TTC39A: variants seen among roughly 807,000 people sequenced by gnomAD.
The protein encoded by TTC39A is tetratricopeptide repeat protein 39A.
In TTC39A, 46 loss-of-function variants were observed where a neutral mutation model predicts 82.3. That is an observed-to-expected ratio of 0.56 (90% confidence interval 0.44 to 0.71). The LOEUF is 0.71. Ranked by LOEUF, TTC39A falls within the 30% of genes least tolerant of loss-of-function variation. TTC39A has a pLI of 0.00. For synonymous variants in TTC39A, 254 were observed against 275.2 expected (o/e 0.92, Z 0.76); for missense variants, 543 against 712.9 (o/e 0.76, Z 2.71).
At chr1:51,303,060 C>T in intron 9 of TTC39A, 24 bp downstream of exon 9, 1 of 1,560,644 alleles carries the variant, frequency 6.4e-7, no homozygotes, top group Non-Finnish European at 8.7e-7. Flanking sequence ...AACCCCAGGG[C>T]CCCAGGTCCC....
In TTC39A at chr1:51,288,054, G is replaced by A. The variant is rs1453828332; in HGVS notation, c.*103C>T. The A allele has an allele frequency of 2.7e-6, 4 of 1,500,982 alleles. No homozygotes were observed. The highest frequency in any genetic ancestry group is 3.6e-6 in the Non-Finnish European group (4 of 1,116,322). The allele number at this position is 1,500,982 out of a possible 1,614,324, so 93.0% of individuals were successfully genotyped here. The stretch of plus-strand genomic sequence containing the variant: ...GTGCCATCCAACTGGAGTGCCGGTG[G>A]ACCCCAAAGGCAGGGCAGGGCAGGG... On this transcript the variant is annotated 3_prime_UTR_variant, in exon 18 of 18. Transcript: ENST00000680483. The surrounding 1 kb of genome is among the most constrained non-coding windows in gnomAD (Gnocchi z 4.8).
chr1:51,322,134 G>A (rs1376260509), intron 1 of TTC39A: 2 of 1,552,304 alleles, frequency 1.3e-6, no homozygotes, highest in African/African-American at 1.4e-5. Flanking sequence ...CAAGGGTAAA[G>A]GGAGTCTTTG....
At chr1:51,304,554 C>T (rs1376156913) in intron 8 of TTC39A, among the ~76,000 whole-genome samples, 2 of 152,206 alleles carry the variant, frequency 1.3e-5, no homozygotes, top group Non-Finnish European at 2.9e-5. Context: ...CACCAGAAAG[C>T]CCTCCCTGAT....
At chr1:51,308,791 A>G (rs1218919269) in intron 6 of TTC39A, among the ~76,000 whole-genome samples, 1 of 151,438 alleles carries the variant, frequency 6.6e-6, no homozygotes, top group Admixed American at 6.6e-5. Flanking sequence ...GTGTGTGTGT[A>G]TGTGTGTGTG....
chr1:51,322,288 C>G, intron 1 of TTC39A: 1 of 1,433,192 alleles, frequency 7.0e-7, no homozygotes, highest in South Asian at 1.6e-5. Flanking sequence ...GACGTTGTCA[C>G]AATGGGCTGT....
intron 2 of TTC39A, among the ~76,000 whole-genome samples, chr1:51,318,250 C>G (rs756799016): frequency 2.6e-5 from 4 of 152,140 alleles, no homozygotes; most frequent in Admixed American, 6.5e-5. Context: ...TGGCTATGGT[C>G]TGGGGTCCAG....
chr1:51,309,457 C>T (rs757891552), intron 5 of TTC39A, 132 bp from the exon 6 acceptor site: 2 of 1,519,348 alleles, frequency 1.3e-6, no homozygotes, highest in South Asian at 2.6e-5. Flanking sequence ...GGAGGTCAGC[C>T]AAACCAGGCC....
intron 12 of TTC39A, chr1:51,301,080 C>T (rs1210125345): frequency 1.3e-5 from 2 of 152,598 alleles, no homozygotes; most frequent in Non-Finnish European, 2.9e-5. Flanking sequence ...TACCTGAAGT[C>T]GGATGTGCCA....
Position 51,303,068 on chromosome 1 carries a change from C to A in TTC39A, c.763+16G>T. On this transcript the variant is annotated intron_variant, in intron 9 of 17. Transcript: ENST00000680483. ...ACGACCAAACCCCAGGGCCCCAGGT[C>A]CCCCTGTACACCTACCGAGCACGAA... 2 of 1,571,962 alleles carry A rather than the reference C, an allele frequency of 1.3e-6. No individual in the cohort carries two copies. The highest frequency in any genetic ancestry group is 1.7e-6 in the Non-Finnish European group (2 of 1,158,770).
In TTC39A at chr1:51,296,126, C is replaced by A; in HGVS notation, c.1098G>T (p.Gly366=). ...CCCCGAACGGCTTGTGGTCCTCCTT[C>A]CCAAACATGCTGAGGTAGGCGGCCT... The part of the protein sequence containing the change: ...YMKAAYLSMF[G]KEDHKPFGDD... Residue 366 remains glycine, a synonymous_variant, in exon 13 of 18, where the codon GGG becomes GGT. Coordinates refer to ENST00000680483, the MANE Select transcript of TTC39A (RefSeq NM_001297663.2). 1 of 1,600,806 alleles carries A rather than the reference C, an allele frequency of 6.2e-7. No homozygotes were observed. Among genetic ancestry groups the A allele is most frequent in the Non-Finnish European group, 8.5e-7 (1 of 1,173,802 alleles).
intron 13 of TTC39A, 21 bp downstream of exon 13, chr1:51,296,058 G>A: frequency 6.4e-7 from 1 of 1,560,884 alleles, no homozygotes; most frequent in Non-Finnish European, 8.7e-7. Context: ...CTACACAGTG[G>A]GAGCACGATG....
At position 51,294,366 on chromosome 1, in the gene TTC39A, G is replaced by A. The variant is rs1023627312; in HGVS notation, c.1266+25C>T. ...CCCACAATCCTATACCCGGAGGGCA[G>A]CGCCAGTCCAGACCTCCTACCCACC... On this transcript the variant is annotated intron_variant, in intron 14 of 17. Transcript: ENST00000680483. This position sits in a 1 kb window ranked among gnomAD's most constrained non-coding sequence, Gnocchi z 4.3. The A allele has an allele frequency of 1.2e-6, 2 of 1,613,684 alleles. No individual in the cohort carries two copies. Among genetic ancestry groups the A allele is most frequent in the Admixed American group, 3.3e-5 (2 of 59,994 alleles).
At chr1:51,301,929 T>C in intron 11 of TTC39A, 196 bp from the exon 12 acceptor site, 2 of 721,562 alleles carry the variant, frequency 2.8e-6, no homozygotes, top group Non-Finnish European at 2.3e-6. Flanking sequence ...AAGTCTTACA[T>C]GACGTTGGGC....
chr1:51,331,191 C>T (rs1319451509), upstream of TTC39A: 1 of 1,549,788 alleles, frequency 6.5e-7, no homozygotes, highest in African/African-American at 1.4e-5. Context: ...TCCATCCCTC[C>T]TGAATCCAAA....
chr1:51,312,050 G>A (rs991951073), intron 4 of TTC39A, 69 bp downstream of exon 4: 3 of 1,505,674 alleles, frequency 2.0e-6, no homozygotes, highest in South Asian at 2.5e-5. Context: ...GAAGAAAACT[G>A]CCCCTTCCTG....
At position 51,290,179 on chromosome 1, in the gene TTC39A, T is replaced by C. The variant is rs905855066; in HGVS notation, c.1379-60A>G. On this transcript the variant is annotated intron_variant, in intron 15 of 17. Coordinates refer to ENST00000680483, the MANE Select transcript of TTC39A (RefSeq NM_001297663.2). ...TGTTCATTTCTGCAGCAGTTACTTA[T>C]GGAGCCCCCTACTTTGTGCTAGGTC... 13 of 1,493,312 alleles carry C rather than the reference T, an allele frequency of 8.7e-6. No homozygotes were observed. In the Admixed American group the frequency reaches 1.3e-4, roughly 15 times the overall value. 92.5% of individuals were successfully genotyped at this position (1,493,312 alleles called of 1,614,324 possible).
At position 51,312,135 on chromosome 1, in the gene TTC39A, C is replaced by G; in HGVS notation, c.339G>C (p.Leu113=). ...SFSSLVNRPT[L]GQFTEEEIHA... ...ATGCCACACCTTCAGTGAATTGGCC[C>G]AGCGTGGGGCGGTTCACCAGGCTGC... Residue 113 remains leucine (L), a synonymous_variant, in exon 4 of 18, where the codon CTG becomes CTC. Coordinates refer to ENST00000680483, the MANE Select transcript of TTC39A (RefSeq NM_001297663.2). 1 of 1,611,540 alleles carries G rather than the reference C, an allele frequency of 6.2e-7. No homozygotes were observed. Among genetic ancestry groups the G allele is most frequent in the Non-Finnish European group, 8.5e-7 (1 of 1,179,004 alleles).
intron 1 of TTC39A, among the ~76,000 whole-genome samples, chr1:51,324,771 G>A (rs1428190134): frequency 6.6e-6 from 1 of 151,772 alleles, no homozygotes; most frequent in Non-Finnish European, 1.5e-5. Flanking sequence ...GACCTCAGGT[G>A]ATCCACCCGC....
At chr1:51,330,600 G>A, upstream of TTC39A, 1 of 983,184 alleles carries the variant, frequency 1.0e-6, no homozygotes, top group Non-Finnish European at 1.2e-6. This position sits in a 1 kb window ranked among gnomAD's most constrained non-coding sequence, Gnocchi z 4.5. Context: ...GGGCGCGCCG[G>A]GGGCGGGGAA....
Sources: allele counts gnomAD v4.1 joint callset (sites outside exome capture counted in the v4.1 genomes callset), GRCh38; gene constraint gnomAD v4.1.1; non-coding constraint Gnocchi (gnomAD v3.1); transcripts MANE v1.5; gene names NCBI Gene and HGNC (gene_info 2026-07-23, HGNC 2026-07-21).